CLYBL: variants seen among roughly 807,000 people sequenced by gnomAD.
CLYBL encodes citramalyl-CoA lyase, mitochondrial.
A neutral mutation model predicts 38.9 loss-of-function variants in CLYBL; 31 were observed. The observed-to-expected ratio is 0.80, with a 90% CI of 0.60 to 1.08. CLYBL has a LOEUF of 1.08. CLYBL is among the 50% of genes least tolerant of loss of function. The pLI is 0.00. For missense variants in CLYBL, 434 were observed against 411.6 expected (o/e 1.05, Z -0.47); for synonymous variants, 171 against 158.6 (o/e 1.08, Z -0.59).
At chr13:99,656,266 G>T (rs1474052816) in intron 1 of CLYBL, among the ~76,000 whole-genome samples, 1 of 152,118 alleles carries the variant, frequency 6.6e-6, no homozygotes, top group Non-Finnish European at 1.5e-5. Context: ...TGTTTGTCAG[G>T]GAGTAGACCA....
At chr13:99,876,068 ACT>A (rs2052031639) in intron 7 of CLYBL, among the ~76,000 whole-genome samples, 1 of 68,704 alleles carries the variant, frequency 1.5e-5, no homozygotes, top group Non-Finnish European at 2.7e-5. Context: ...ATTCTATTTC[ACT>A]TTTTTTTTTT....
chr13:99,868,089 A>T (rs896629103), intron 6 of CLYBL, among the ~76,000 whole-genome samples: 5 of 137,544 alleles, frequency 3.6e-5, no homozygotes, highest in Non-Finnish European at 8.3e-5. Context: ...TTAAATCGCT[A>T]AAAAAAAAGG....
chr13:99,853,196 G>C (rs1011043428), intron 2 of CLYBL, among the ~76,000 whole-genome samples: 1 of 151,996 alleles, frequency 6.6e-6, no homozygotes, highest in Non-Finnish European at 1.5e-5. Context: ...TTGTGTTTTA[G>C]TGTTGGAGTT....
At chr13:99,700,727 G>C (rs1407040721) in intron 1 of CLYBL, among the ~76,000 whole-genome samples, 1 of 152,158 alleles carries the variant, frequency 6.6e-6, no homozygotes, top group Non-Finnish European at 1.5e-5. Context: ...CCAGTCTTCA[G>C]AGAACTCAAA....
intron 1 of CLYBL, among the ~76,000 whole-genome samples, chr13:99,625,503 G>C (rs904293892): frequency 6.6e-6 from 1 of 152,098 alleles, no homozygotes. Flanking sequence ...TAATTTGAGG[G>C]ATTATTGTTA....
At position 99,869,056 on chromosome 13, in the gene CLYBL, C is replaced by T. The variant is rs181972456; in HGVS notation, c.803-1882C>T. ...CAACTCTTTTGTATAAAATATTTGCCTGGTTCCCACATGCCATTAAAGTCT... is the reference window on the plus strand; with the variant it reads ...CAACTCTTTTGTATAAAATATTTGCTTGGTTCCCACATGCCATTAAAGTCT... On this transcript the variant is annotated intron_variant, in intron 6 of 8. Coordinates refer to ENST00000339105, the MANE Select transcript of CLYBL (RefSeq NM_206808.5). The surrounding 1 kb of genome is among the most constrained non-coding windows in gnomAD (Gnocchi z 4.3). Among the ~76,000 whole-genome samples the T allele has an allele frequency of 1.1e-4, 17 of 152,262 alleles. No homozygotes were observed.
At chr13:99,841,060 T>C (rs570315748) in intron 2 of CLYBL, among the ~76,000 whole-genome samples, 9 of 152,316 alleles carry the variant, frequency 5.9e-5, no homozygotes, top group East Asian at 1.9e-4. Context: ...CTGCAACCTA[T>C]AGCCTGTGTT....
chr13:99,708,869 C>T (rs1405427985), intron 1 of CLYBL, among the ~76,000 whole-genome samples: 3 of 151,952 alleles, frequency 2.0e-5, no homozygotes, highest in African/African-American at 7.2e-5. Context: ...CTGAGGTGGG[C>T]GGATGATGAG....
intron 7 of CLYBL, among the ~76,000 whole-genome samples, chr13:99,875,780 G>A (rs1404176022): frequency 1.3e-5 from 2 of 152,136 alleles, no homozygotes; most frequent in South Asian, 2.1e-4. Flanking sequence ...GCAGGAACAC[G>A]AAAATCAGAG....
At chr13:99,675,170 G>A (rs114507897) in intron 1 of CLYBL, among the ~76,000 whole-genome samples, 79 of 152,250 alleles carry the variant, frequency 5.2e-4, no homozygotes, top group African/African-American at 1.9e-3. Flanking sequence ...CTCTTCAGGG[G>A]CAGACAATAT....
chr13:99,664,428 C>T (rs1264602920), intron 1 of CLYBL, among the ~76,000 whole-genome samples: 1 of 152,156 alleles, frequency 6.6e-6, no homozygotes, highest in Non-Finnish European at 1.5e-5. Flanking sequence ...TCTATTTAAT[C>T]ACAAGGGGAG....
At chr13:99,854,588 A>G (rs1462165432) in intron 2 of CLYBL, among the ~76,000 whole-genome samples, 3 of 151,892 alleles carry the variant, frequency 2.0e-5, no homozygotes, top group African/African-American at 7.3e-5. Flanking sequence ...GCGAGGGACC[A>G]CCTCTTCCAC....
At chr13:99,628,374 C>T (rs1180011401) in intron 1 of CLYBL, among the ~76,000 whole-genome samples, 1 of 152,070 alleles carries the variant, frequency 6.6e-6, no homozygotes, top group Non-Finnish European at 1.5e-5. Flanking sequence ...ATATAGTAGA[C>T]CTTGTTTGGA....
chr13:99,659,091 A>T (rs1226936332), intron 1 of CLYBL, among the ~76,000 whole-genome samples: 2 of 152,202 alleles, frequency 1.3e-5, no homozygotes, highest in Non-Finnish European at 1.5e-5. Flanking sequence ...TTTCCTAAAC[A>T]TAACCAATAT....
At chr13:99,793,667 A>G (rs2761155) in intron 2 of CLYBL, among the ~76,000 whole-genome samples, 15,253 of 152,136 alleles carry the variant, frequency 0.1, 1,887 homozygotes, top group African/African-American at 0.29. Context: ...AAATATCTCT[A>G]TTAGGGTCAT....
chr13:99,867,020 G>A (rs1214509282), intron 6 of CLYBL, among the ~76,000 whole-genome samples: 1 of 152,104 alleles, frequency 6.6e-6, no homozygotes, highest in Non-Finnish European at 1.5e-5. Context: ...GTTGATTGGT[G>A]TGCCTGGTCA....
At chr13:99,660,625 C>T (rs1220802550) in intron 1 of CLYBL, among the ~76,000 whole-genome samples, 1 of 152,202 alleles carries the variant, frequency 6.6e-6, no homozygotes, top group Non-Finnish European at 1.5e-5. Flanking sequence ...CCACCAATGG[C>T]CACCAACAAA....
chr13:99,703,004 G>T (rs1488557412), intron 1 of CLYBL, among the ~76,000 whole-genome samples: 1 of 152,214 alleles, frequency 6.6e-6, no homozygotes, highest in Non-Finnish European at 1.5e-5. Context: ...CTTTTCAAAA[G>T]AAAAGGGTGC....
At chr13:99,760,941 G>C (rs554471514) in intron 1 of CLYBL, among the ~76,000 whole-genome samples, 2 of 152,144 alleles carry the variant, frequency 1.3e-5, no homozygotes, top group Non-Finnish European at 2.9e-5. Flanking sequence ...TCACCCTACT[G>C]ATCTGTTTAA....
Sources: allele counts gnomAD v4.1 joint callset (sites outside exome capture counted in the v4.1 genomes callset), GRCh38; gene constraint gnomAD v4.1.1; non-coding constraint Gnocchi (gnomAD v3.1); transcripts MANE v1.5; gene names NCBI Gene and HGNC (gene_info 2026-07-23, HGNC 2026-07-21).